NRG1: variants seen among roughly 807,000 people sequenced by gnomAD.
The protein encoded by NRG1 is neuregulin 1, also known as pro-neuregulin-1, membrane-bound isoform.
In NRG1, 18 loss-of-function variants were observed where a neutral mutation model predicts 63.8. The observed-to-expected ratio is 0.28, with a 90% CI of 0.19 to 0.42. NRG1 has a LOEUF of 0.42. NRG1 is among the 10% of genes least tolerant of loss of function. The probability of loss-of-function intolerance (pLI) is 1.00; values close to 1 mark genes in which losing one functional copy is unlikely to be tolerated. For missense variants in NRG1, 762 were observed against 814.7 expected (o/e 0.94, Z 0.79); for synonymous variants, 302 against 301.3 (o/e 1.00, Z -0.02).
chr8:31,761,806 C>T (rs1275928713), intron 1 of NRG1, among the ~76,000 whole-genome samples: 3 of 152,044 alleles, frequency 2.0e-5, no homozygotes, highest in African/African-American at 4.8e-5. Flanking sequence ...AAATGTGACA[C>T]GGAGAGATGA....
chr8:31,888,452 A>G (rs1364242865), intron 1 of NRG1, among the ~76,000 whole-genome samples: 3 of 152,108 alleles, frequency 2.0e-5, no homozygotes, highest in African/African-American at 7.2e-5. Flanking sequence ...GACTGAAAAG[A>G]AAGTCAAGCC....
intron 1 of NRG1, chr8:32,061,762 G>T (rs1167621712): frequency 2.6e-5 from 4 of 152,016 alleles, no homozygotes; most frequent in Admixed American, 1.3e-4. Context: ...ATAGTAGGAA[G>T]CTGTTGGCCA....
rs375842198 is a variant in NRG1 at position 32,409,903 on chromosome 8, C to T, written c.38-185925C>T. Among the ~76,000 whole-genome samples the T allele has an allele frequency of 4.6e-5, 7 of 152,108 alleles. No individual in the cohort carries two copies. The South Asian group carries it at 6.2e-4, about 14-fold the overall frequency. On this transcript the variant is annotated intron_variant, in intron 1 of 10. Coordinates refer to the NRG1 transcript ENST00000519301. ...AACCTTGCTGATGGATTTCTCCCAG[C>T]GAGAGAATCTCTTCAATGCATCTTT...
chr8:32,247,176 C>T (rs1195355368), intron 1 of NRG1, among the ~76,000 whole-genome samples: 1 of 151,906 alleles, frequency 6.6e-6, no homozygotes, highest in East Asian at 1.9e-4. Context: ...AAGTTGTTAC[C>T]AAGTTAACAT....
chr8:32,520,352 T>C (rs995367177), intron 1 of NRG1, among the ~76,000 whole-genome samples: 1 of 148,720 alleles, frequency 6.7e-6, no homozygotes, highest in Non-Finnish European at 1.5e-5. Context: ...AGAAACAGGG[T>C]CTTGCCATGT....
intron 1 of NRG1, among the ~76,000 whole-genome samples, chr8:32,511,364 T>C (rs531038872): frequency 2.8e-5 from 2 of 71,222 alleles, no homozygotes; most frequent in Non-Finnish European, 5.9e-5. Context: ...TCGATATATA[T>C]GTGTATATAT....
intron 5 of NRG1, among the ~76,000 whole-genome samples, chr8:32,634,823 T>C (rs917413353): frequency 6.6e-6 from 1 of 152,218 alleles, no homozygotes; most frequent in African/African-American, 2.4e-5. Context: ...TATAAAGATA[T>C]TGTACAGTGG....
chr8:32,389,308 A>C (rs1811417854), intron 1 of NRG1, among the ~76,000 whole-genome samples: 1 of 152,218 alleles, frequency 6.6e-6, no homozygotes, highest in African/African-American at 2.4e-5. Context: ...AGCAGAGATG[A>C]GAGATTTTTG....
chr8:31,913,353 A>C (rs1585705025), intron 1 of NRG1, among the ~76,000 whole-genome samples: 1 of 152,218 alleles, frequency 6.6e-6, no homozygotes, highest in African/African-American at 2.4e-5. Context: ...TATTGACCAC[A>C]TGCCATATGC....
intron 1 of NRG1, among the ~76,000 whole-genome samples, chr8:31,984,474 T>C (rs981900478): frequency 6.6e-6 from 1 of 152,052 alleles, no homozygotes; most frequent in Non-Finnish European, 1.5e-5. Flanking sequence ...TTGGAACTTA[T>C]CCTAAAGGCT....
intron 1 of NRG1, among the ~76,000 whole-genome samples, chr8:32,443,929 C>T (rs1393024204): frequency 1.3e-5 from 2 of 152,024 alleles, no homozygotes; most frequent in Non-Finnish European, 2.9e-5. Flanking sequence ...AATATCATGG[C>T]ACAATGCTTT....
At chr8:32,027,706 T>A (rs1817678025) in intron 1 of NRG1, among the ~76,000 whole-genome samples, 1 of 152,138 alleles carries the variant, frequency 6.6e-6, no homozygotes, top group South Asian at 2.1e-4. Context: ...TACTGGGTGA[T>A]GAAGGCAGGG....
chr8:31,834,433 G>A (rs1000578179), intron 1 of NRG1, among the ~76,000 whole-genome samples: 1 of 152,196 alleles, frequency 6.6e-6, no homozygotes, highest in African/African-American at 2.4e-5. Flanking sequence ...TATGCTGGGT[G>A]TAGTGGCTAA....
intron 7 of NRG1, among the ~76,000 whole-genome samples, chr8:32,748,339 G>A (rs77858839): frequency 0.12 from 15,044 of 128,216 alleles, 1,750 homozygotes; most frequent in African/African-American, 0.29. Context: ...GCGCGCGCGC[G>A]CACACACACA....
intron 6 of NRG1, among the ~76,000 whole-genome samples, chr8:32,739,816 G>A (rs954344659): frequency 6.6e-6 from 1 of 152,144 alleles, no homozygotes; most frequent in African/African-American, 2.4e-5. Flanking sequence ...GTGTGTGTGT[G>A]TCTCTCTTAC....
chr8:32,426,350 C>T (rs9297193), intron 1 of NRG1, among the ~76,000 whole-genome samples: 38,320 of 151,804 alleles, frequency 0.25, 5,490 homozygotes, highest in East Asian at 0.74. Context: ...TATGTATATG[C>T]CATAAAAAAT....
chr8:31,921,940 A>G (rs532186133), intron 1 of NRG1, among the ~76,000 whole-genome samples: 3 of 152,304 alleles, frequency 2.0e-5, no homozygotes, highest in East Asian at 1.9e-4. Context: ...TTTTAATTCT[A>G]TGAAGGAAAA....
intron 2 of NRG1, among the ~76,000 whole-genome samples, chr8:32,602,651 T>A (rs1588621246): frequency 6.6e-6 from 1 of 152,142 alleles, no homozygotes. Context: ...TCTGTGGCAT[T>A]GAAAATCAAG....
intron 1 of NRG1, among the ~76,000 whole-genome samples, chr8:32,050,994 G>C (rs976395097): frequency 6.6e-6 from 1 of 152,092 alleles, no homozygotes. Flanking sequence ...AGAGATAAGA[G>C]AGTGGAATCG....
Sources: gnomAD v4.1 joint callset for allele counts (sites outside exome capture counted in the v4.1 genomes callset) on GRCh38, gnomAD v4.1.1 for gene constraint, MANE v1.5 for transcripts, NCBI Gene and HGNC (gene_info 2026-07-23, HGNC 2026-07-21) for gene names.